POU6F2: variants seen among roughly 807,000 people sequenced by gnomAD.
POU6F2 encodes the protein POU domain, class 6, transcription factor 2.
A neutral mutation model predicts 71.3 loss-of-function variants in POU6F2; 31 were observed. The observed-to-expected ratio is 0.43, with a 90% confidence interval of 0.33 to 0.59. The LOEUF (loss-of-function observed/expected upper bound fraction) is 0.59, where lower values mean the gene tolerates loss of function less well. Ranked by LOEUF, POU6F2 falls within the 20% of genes least tolerant of loss-of-function variation. The probability of loss-of-function intolerance (pLI) is 0.04; values close to 1 mark genes in which losing one functional copy is unlikely to be tolerated. For missense variants in POU6F2, 783 were observed against 856.8 expected, an observed-to-expected ratio of 0.91 and a Z score of 1.07; for synonymous variants, 347 against 355.7, an observed-to-expected ratio of 0.98 and a Z score of 0.27.
intron 1 of POU6F2, among the ~76,000 whole-genome samples, chr7:39,050,083 T>C (rs970712247): frequency 6.6e-6 from 1 of 152,074 alleles, no homozygotes; most frequent in African/African-American, 2.4e-5. Context: ...GTTTTAAAAA[T>C]GTGTTTATAT....
intron 4 of POU6F2, among the ~76,000 whole-genome samples, chr7:39,215,272 G>T (rs1454405680): frequency 6.6e-6 from 1 of 152,190 alleles, no homozygotes; most frequent in Non-Finnish European, 1.5e-5. Flanking sequence ...TTGTACTTGG[G>T]AGGCGGAAGT....
chr7:39,057,098 G>T lies in POU6F2; in HGVS notation c.106-28762G>T, dbSNP rs78927353. Among the ~76,000 whole-genome samples, 537 of 152,244 alleles carry T rather than the reference G, an allele frequency of 3.5e-3. 7 individuals are homozygous for T. The East Asian group carries it at 0.042, about 12-fold the overall frequency. On this transcript the variant is annotated intron_variant, in intron 1 of 9. Transcript: ENST00000518318. ...GTAGTATTTTCTGAGCTCTGAGGTT[G>T]TGGCTTCCTCTCTCTTAAGTCTTTC...
At chr7:39,006,166 G>A (rs1297701098) in intron 1 of POU6F2, among the ~76,000 whole-genome samples, 1 of 152,112 alleles carries the variant, frequency 6.6e-6, no homozygotes. Context: ...CCCCATTCTA[G>A]TTAATAATAC....
At chr7:39,190,631 CTTTTTTTTTTTTT>C (rs58654872) in intron 2 of POU6F2, among the ~76,000 whole-genome samples, 2 of 74,222 alleles carry the variant, frequency 2.7e-5, no homozygotes, top group South Asian at 1.1e-3. Flanking sequence ...GAGTCAACTT[CTTTTTTTTTTTTT>C]TTTTTTTTTT....
chr7:39,031,422 C>T (rs908489330), intron 1 of POU6F2, among the ~76,000 whole-genome samples: 22 of 152,106 alleles, frequency 1.4e-4, no homozygotes, highest in African/African-American at 5.3e-4. Context: ...CAAATTAAAA[C>T]AATGTCAGTG....
chr7:39,438,481 G>A (rs928596188), intron 7 of POU6F2, among the ~76,000 whole-genome samples: 33 of 152,316 alleles, frequency 2.2e-4, no homozygotes, highest in African/African-American at 6.5e-4. Flanking sequence ...TGGCTGGGCT[G>A]AAATGCAAAT....
At chr7:39,257,789 G>A (rs1330259240) in intron 4 of POU6F2, among the ~76,000 whole-genome samples, 1 of 151,018 alleles carries the variant, frequency 6.6e-6, no homozygotes, top group Non-Finnish European at 1.5e-5. Context: ...CCACACTTCT[G>A]AAGTTCTGTG....
rs780525672 is a variant in POU6F2 at position 38,996,563 on chromosome 7, G to T, written c.105+18505G>T. Among the ~76,000 whole-genome samples the T allele has an allele frequency of 3.3e-5, 5 of 152,018 alleles. No individual in the cohort carries two copies. The East Asian group carries it at 9.7e-4, about 29-fold the overall frequency. On this transcript the variant is annotated intron_variant, in intron 1 of 9. Coordinates refer to ENST00000518318, the MANE Select transcript of POU6F2 (RefSeq NM_001370959.1). ...TTGCAGCCTTGACCACTTTTTTAGA[G>T]CATTATCTACCTAGAAAACATCCAT...
At chr7:39,068,336 T>C (rs1183889873) in intron 1 of POU6F2, among the ~76,000 whole-genome samples, 2 of 152,118 alleles carry the variant, frequency 1.3e-5, no homozygotes, top group Non-Finnish European at 2.9e-5. Flanking sequence ...AAGACCACTG[T>C]CCAAGACCTA....
At chr7:39,167,086 G>T (rs889318504) in intron 2 of POU6F2, among the ~76,000 whole-genome samples, 1 of 152,026 alleles carries the variant, frequency 6.6e-6, no homozygotes, top group Admixed American at 6.5e-5. Context: ...AAATTCTTTA[G>T]TACTTTGTGT....
At chr7:39,413,926 A>T (rs1787612177) in intron 6 of POU6F2, among the ~76,000 whole-genome samples, 1 of 152,184 alleles carries the variant, frequency 6.6e-6, no homozygotes, top group East Asian at 1.9e-4. Context: ...GCGCTTCGGG[A>T]AAATAACGAG....
chr7:39,193,317 C>T (rs1793709411), intron 2 of POU6F2, among the ~76,000 whole-genome samples: 1 of 152,148 alleles, frequency 6.6e-6, no homozygotes, highest in Admixed American at 6.5e-5. Flanking sequence ...TCTTCCCCTT[C>T]CCCCACTTCT....
intron 4 of POU6F2, among the ~76,000 whole-genome samples, chr7:39,212,650 C>G (rs1328290694): frequency 3.3e-5 from 5 of 152,160 alleles, no homozygotes; most frequent in African/African-American, 1.2e-4. Flanking sequence ...TGTAAGCAAG[C>G]ACACACCTGT....
chr7:39,042,090 G>C (rs139399243), intron 1 of POU6F2, among the ~76,000 whole-genome samples: 23 of 152,080 alleles, frequency 1.5e-4, no homozygotes, highest in Admixed American at 4.6e-4. Flanking sequence ...CAGAGGGAAA[G>C]TTGTTTTCCA....
At chr7:39,285,846 C>G (rs539592542) in intron 4 of POU6F2, among the ~76,000 whole-genome samples, 1 of 152,322 alleles carries the variant, frequency 6.6e-6, no homozygotes, top group Admixed American at 6.5e-5. Flanking sequence ...CTCCTGGTGC[C>G]TTCCTCCCCA....
chr7:39,270,851 A>G (rs1784328126), intron 4 of POU6F2, among the ~76,000 whole-genome samples: 1 of 152,206 alleles, frequency 6.6e-6, no homozygotes, highest in Non-Finnish European at 1.5e-5. Flanking sequence ...CATAACTTCA[A>G]TTCAGCTAGT....
intron 4 of POU6F2, among the ~76,000 whole-genome samples, chr7:39,319,988 C>G (rs941508355): frequency 6.6e-6 from 1 of 152,178 alleles, no homozygotes; most frequent in African/African-American, 2.4e-5. Flanking sequence ...GATCTGAAGG[C>G]CCATAACAGA....
intron 8 of POU6F2, among the ~76,000 whole-genome samples, chr7:39,458,479 G>GA (rs1788858073): frequency 6.6e-6 from 1 of 151,816 alleles, no homozygotes; most frequent in African/African-American, 2.4e-5. Context: ...ACGGGGAAAG[G>GA]AAAAAAGGGC....
chr7:39,354,067 T>A (rs1210148781), intron 5 of POU6F2, among the ~76,000 whole-genome samples: 2 of 152,244 alleles, frequency 1.3e-5, no homozygotes, highest in Non-Finnish European at 2.9e-5. Context: ...CATTCATTTT[T>A]CCTGGCTTGC....
Sources: gnomAD v4.1 joint callset for allele counts (sites outside exome capture counted in the v4.1 genomes callset) on GRCh38, gnomAD v4.1.1 for gene constraint, MANE v1.5 for transcripts, NCBI Gene and HGNC (gene_info 2026-07-23, HGNC 2026-07-21) for gene names.